WDR4: variants seen among roughly 807,000 people sequenced by gnomAD.
The protein encoded by WDR4 is WDR4 tRNA N7-guanosine methyltransferase non-catalytic subunit, also known as tRNA (guanine-N(7)-)-methyltransferase non-catalytic subunit WDR4.
A neutral mutation model predicts 48.6 loss-of-function variants in WDR4; 47 were observed. The ratio of observed to expected loss-of-function variants is 0.97; its 90% CI spans 0.77 to 1.23. The LOEUF is 1.23. Among genes scored for constraint, WDR4 ranks in the 50% most tolerant of loss-of-function variants. The pLI is 0.00. For missense variants in WDR4, 606 were observed against 551.6 expected (o/e 1.10, Z -0.99); for synonymous variants, 268 against 230.0 (o/e 1.17, Z -1.49).
At chr21:42,844,703 A>G (rs1210278604), downstream of WDR4, among the ~76,000 whole-genome samples, 3 of 152,212 alleles carry the variant, frequency 2.0e-5, no homozygotes, top group African/African-American at 7.2e-5. Flanking sequence ...AGTGCCAGCG[A>G]GACTCACCCA....
At chr21:42,879,138 G>C (rs1016760525) in intron 1 of WDR4, 282 of 1,236,472 alleles carry the variant, frequency 2.3e-4, no homozygotes, top group Non-Finnish European at 2.7e-4. Flanking sequence ...GGCGCTAACC[G>C]GGCAAGAACA....
At chr21:42,876,835 T>G (rs77254919) in intron 1 of WDR4, 68 bp from the exon 2 acceptor site, 1 of 1,445,278 alleles carries the variant, frequency 6.9e-7, no homozygotes, top group Non-Finnish European at 9.4e-7. Flanking sequence ...TTTTTTTTTT[T>G]GAGACGGAGT....
In WDR4 at chr21:42,879,289, G is replaced by A. The variant is rs1288589978; in HGVS notation, c.89+118C>T. 20 of 1,425,588 alleles carry A rather than the reference G, an allele frequency of 1.4e-5. No individual in the cohort carries two copies. In the East Asian group the frequency reaches 4.3e-4, roughly 31 times the overall value. The allele number at this position is 1,425,588 out of a possible 1,614,324, so 88.3% of individuals were successfully genotyped here. A position where few individuals can be genotyped will look rare whatever the true frequency, so the allele number is the denominator to read the frequency against. Reference sequence around the variant, plus strand: ...CGGAGGACTCGTGGGCTGGAGCGGAGTTCCCCGGGGTCACCCCAGAGTGGG... The same window carrying A: ...CGGAGGACTCGTGGGCTGGAGCGGAATTCCCCGGGGTCACCCCAGAGTGGG... On this transcript the variant is annotated intron_variant, in intron 1 of 10. Transcript: ENST00000398208.
intron 3 of WDR4, among the ~76,000 whole-genome samples, chr21:42,865,465 G>A (rs754876335): frequency 5.3e-5 from 8 of 152,136 alleles, no homozygotes; most frequent in South Asian, 4.1e-4. Context: ...GCTGGAAGGC[G>A]TGTGGCACAG....
intron 6 of WDR4, among the ~76,000 whole-genome samples, chr21:42,859,035 G>A (rs762542889): frequency 9.2e-5 from 14 of 152,108 alleles, no homozygotes; most frequent in Non-Finnish European, 2.1e-4. Context: ...ACATTCCTTA[G>A]AGAAAACACG....
At chr21:42,875,716 A>G (rs117853080) in intron 2 of WDR4, among the ~76,000 whole-genome samples, 1,769 of 152,278 alleles carry the variant, frequency 0.012, 28 homozygotes, top group Non-Finnish European at 0.013. Flanking sequence ...AAAAATAATA[A>G]TAACGATAAA....
intron 10 of WDR4, among the ~76,000 whole-genome samples, chr21:42,851,180 T>C (rs1016946317): frequency 2.0e-5 from 3 of 152,202 alleles, no homozygotes; most frequent in Non-Finnish European, 4.4e-5. Flanking sequence ...GTCCGTGGCC[T>C]AGAGCACGGG....
chr21:42,879,304 C>A, intron 1 of WDR4, 103 bp downstream of exon 1: 6 of 1,529,464 alleles, frequency 3.9e-6, no homozygotes, highest in Non-Finnish European at 2.6e-6. Flanking sequence ...CCGGGGTCAC[C>A]CCAGAGTGGG....
intron 9 of WDR4, 109 bp from the exon 10 acceptor site, chr21:42,852,433 T>G: frequency 7.8e-7 from 1 of 1,277,134 alleles, no homozygotes; most frequent in Non-Finnish European, 1.1e-6. Context: ...GGTCCCCTCC[T>G]GGTGCCTGGG....
intron 1 of WDR4, 130 bp downstream of exon 1, chr21:42,879,277 G>A: frequency 7.1e-7 from 1 of 1,403,984 alleles, no homozygotes; most frequent in East Asian, 2.8e-5. Flanking sequence ...AGGACTCGTG[G>A]GCTGGAGCGG....
Position 42,873,581 on chromosome 21 carries a change from C to G in WDR4, c.266G>C (p.Arg89Pro). ...TDDSKRLILF[R>P]TKPWQCLSVR... ...ACTCAGACATTGCCATGGTTTTGTA[C>G]GGAAAAGAATCAGACGCTTACTGTC... is the stretch of plus-strand genomic sequence containing the variant. Residue 89 changes from arginine (R) to proline (P), a missense_variant, in exon 3 of 11, where the codon CGT (arginine) becomes CCT (proline). Physicochemically the swap from Arg to Pro is moderately radical, Grantham distance 103. Coordinates refer to ENST00000398208, the MANE Select transcript of WDR4 (RefSeq NM_018669.6). 1 of 1,614,088 alleles carries G rather than the reference C, an allele frequency of 6.2e-7. No homozygotes were observed. The highest frequency in any genetic ancestry group is 8.5e-7 in the Non-Finnish European group (1 of 1,179,998).
At chr21:42,857,914 A>T (rs1363299445) in intron 6 of WDR4, among the ~76,000 whole-genome samples, 1 of 152,124 alleles carries the variant, frequency 6.6e-6, no homozygotes, top group African/African-American at 2.4e-5. Flanking sequence ...AAGCTGGCAA[A>T]ACCCCATCAC....
intron 7 of WDR4, 147 bp downstream of exon 7, chr21:42,855,535 T>A (rs1602704757): frequency 1.6e-6 from 1 of 616,042 alleles, no homozygotes; most frequent in East Asian, 2.8e-5. Context: ...ACCTTCAGAA[T>A]TTGAAATACG....
At chr21:42,883,134 G>A (rs2146130509), upstream of WDR4, among the ~76,000 whole-genome samples, 1 of 151,058 alleles carries the variant, frequency 6.6e-6, no homozygotes, top group East Asian at 1.9e-4. Flanking sequence ...AATCAGCTGG[G>A]AGTGGTGGTG....
intron 7 of WDR4, among the ~76,000 whole-genome samples, chr21:42,854,874 C>T (rs2057945347): frequency 6.6e-6 from 1 of 152,092 alleles, no homozygotes; most frequent in Non-Finnish European, 1.5e-5. Flanking sequence ...CCTCCAAAGC[C>T]AACAAGATAG....
chr21:42,855,923 C>T (rs964394132), intron 6 of WDR4, 143 bp from the exon 7 acceptor site: 9 of 541,648 alleles, frequency 1.7e-5, no homozygotes, highest in Non-Finnish European at 2.8e-5. Context: ...GCTCTCTGCT[C>T]TGACTGTGTA....
chr21:42,876,218 C>CTTTTTTTTTTTTTTTTTTT (rs373181618), intron 2 of WDR4, among the ~76,000 whole-genome samples: 2 of 105,858 alleles, frequency 1.9e-5, no homozygotes, highest in Non-Finnish European at 3.8e-5. Flanking sequence ...ACACTGTACT[C>CTTTTTTTTTTTTTTTTTTT]TTTTTTTTTT....
chr21:42,879,500 C>G lies in WDR4; in HGVS notation c.-5G>C, dbSNP rs375549440. The G allele has an allele frequency of 4.3e-6, 7 of 1,612,970 alleles. No individual in the cohort carries two copies. Among genetic ancestry groups the G allele is most frequent in the Non-Finnish European group, 5.1e-6 (6 of 1,179,812 alleles). The stretch of plus-strand genomic sequence containing the variant: ...CAGTCCCACAGAGCCCGCCATGTAC[C>G]CGCCCGCCTCACCGCCATACACATG... On this transcript the variant is annotated 5_prime_UTR_variant, in exon 1 of 11. Coordinates refer to ENST00000398208, the MANE Select transcript of WDR4 (RefSeq NM_018669.6).
In WDR4 at chr21:42,863,492, G is replaced by A. The variant is rs760739569; in HGVS notation, c.401C>T (p.Pro134Leu). ...CAGCTCTAGACGGCCACACCCGTGT[G>A]GCTCCAGCACCGAAAAGGAGTAGAC... is the stretch of plus-strand genomic sequence containing the variant. ...GDVYSFSVLE[P>L]HGCGRLELGH... Residue 134 changes from proline to leucine, a missense_variant, in exon 4 of 11, where the codon CCA (proline) becomes CTA (leucine). By Grantham distance (98) the Pro-to-Leu change is moderately conservative. Coordinates refer to ENST00000398208, the MANE Select transcript of WDR4 (RefSeq NM_018669.6). 4.3e-6 allele frequency: 7 copies of A among 1,613,846 alleles called. No individual in the cohort carries two copies. Among genetic ancestry groups the A allele is most frequent in the Non-Finnish European group, 5.9e-6 (7 of 1,179,976 alleles).
Sources: gnomAD v4.1 joint callset for allele counts (sites outside exome capture counted in the v4.1 genomes callset) on GRCh38, gnomAD v4.1.1 for gene constraint, MANE v1.5 for transcripts, NCBI Gene and HGNC (gene_info 2026-07-23, HGNC 2026-07-21) for gene names.